Variants in MICALL1 observed in about 807,000 individuals in gnomAD.
MICALL1 encodes MICAL like 1.
A neutral mutation model predicts 83.7 loss-of-function variants in MICALL1; 61 were observed. The observed-to-expected ratio is 0.73, with a 90% CI of 0.59 to 0.90. MICALL1 has a LOEUF of 0.90. Ranked by LOEUF, MICALL1 falls within the 40% of genes least tolerant of loss-of-function variation. The pLI is 0.00. For synonymous variants in MICALL1, 481 were observed against 473.6 expected (o/e 1.02, Z -0.20); for missense variants, 1,066 against 1,152.0 (o/e 0.93, Z 1.08).
Position 37,919,170 on chromosome 22 carries a change from C to T in MICALL1, c.561C>T (p.His187=), listed in dbSNP as rs896137348. Reference sequence around the variant, plus strand: ...CTGACGGCAGGCTGTACCATCGCCACTGCTTCCGGTGAGTGGCCAGGGCCG... The same window carrying T: ...CTGACGGCAGGCTGTACCATCGCCATTGCTTCCGGTGAGTGGCCAGGGCCG... ...YLADGRLYHR[H]CFRCRRCSST... is the part of the protein sequence containing the mutation. Residue 187 remains histidine, a synonymous_variant, in exon 5 of 16, where the codon CAC becomes CAT. Coordinates refer to ENST00000215957, the MANE Select transcript of MICALL1 (RefSeq NM_033386.4). 3.3e-6 allele frequency: 5 copies of T among 1,536,838 alleles called. No individual in the cohort carries two copies. The African/African-American group carries it at 5.5e-5, about 17-fold the overall frequency.
In MICALL1 at chr22:37,922,007, C is replaced by T. The variant is rs777972715; in HGVS notation, c.605C>T (p.Ala202Val). 4 of 1,602,508 alleles carry T rather than the reference C, an allele frequency of 2.5e-6. No individual in the cohort carries two copies. Among genetic ancestry groups the T allele is most frequent in the South Asian group, 1.1e-5 (1 of 89,972 alleles). ...TGCTCCAGCACCCTGCTCCCTGGGG[C>T]TTATGAGAATGGGCCTGAGGAGGGC... ...RRCSSTLLPG[A>V]YENGPEEGTF... Residue 202 changes from alanine to valine, a missense_variant, in exon 6 of 16, where the codon GCT becomes GTT. Coordinates refer to ENST00000215957, the MANE Select transcript of MICALL1 (RefSeq NM_033386.4).
Position 37,930,162 on chromosome 22 carries a change from G to A in MICALL1, c.1882-1637G>A, listed in dbSNP as rs533237945. 1.2e-4 allele frequency among the ~76,000 whole-genome samples: 18 copies of A among 152,334 alleles called. No individual in the cohort carries two copies. Among genetic ancestry groups the A allele is most frequent in the African/African-American group, 4.3e-4 (18 of 41,578 alleles). On this transcript the variant is annotated intron_variant, in intron 9 of 15. Transcript: ENST00000215957. The surrounding 1 kb of genome is among the most constrained non-coding windows in gnomAD (Gnocchi z 4.8). ...GTCTGAAGTTTTGGGGCTGAGAAAA[G>A]GCTGAAAACCTTTGAGGGGCTCAGG...
Position 37,932,464 on chromosome 22 carries a change from C to A in MICALL1, c.2017-89C>A. 1.3e-6 allele frequency: 2 copies of A among 1,557,706 alleles called. No individual in the cohort carries two copies. The highest frequency in any genetic ancestry group is 2.3e-5 in the East Asian group (1 of 44,250). On this transcript the variant is annotated intron_variant, in intron 10 of 15. Coordinates refer to ENST00000215957, the MANE Select transcript of MICALL1 (RefSeq NM_033386.4). This position sits in a 1 kb window ranked among gnomAD's most constrained non-coding sequence, Gnocchi z 4.4. ...GGGGGACAGGGCCCGGGCCCTGGAG[C>A]CACCAGTGGCCAATGCTGGCCAGAG...
chr22:37,931,826 C>T lies in MICALL1; in HGVS notation c.1909C>T (p.Arg637Trp), dbSNP rs780264693. The T allele has an allele frequency of 9.9e-6, 16 of 1,613,964 alleles. No homozygotes were observed. The Middle Eastern group carries it at 4.9e-4, about 50-fold the overall frequency. The change falls in exon 10 of 16, where the codon CGG becomes TGG. Residue 637 changes from arginine (R) to tryptophan (W), a missense_variant. Transcript: ENST00000215957. ...CTCCTGCAAGGAGAATCCTTTTAACCGGAAGCCATCACCTGCAGCGTCCCC... is the reference window on the plus strand; with the variant it reads ...CTCCTGCAAGGAGAATCCTTTTAACTGGAAGCCATCACCTGCAGCGTCCCC... Reference protein sequence around the residue: ...KSSCKENPFNRKPSPAASPAT... With the variant: ...KSSCKENPFNWKPSPAASPAT...
At chr22:37,920,655 C>T (rs1928970926) in intron 5 of MICALL1, among the ~76,000 whole-genome samples, 2 of 151,950 alleles carry the variant, frequency 1.3e-5, no homozygotes, top group Admixed American at 1.3e-4. Context: ...GGCGCAATGG[C>T]TCATGTCTGT....
At chr22:37,928,110 G>C (rs1006286118) in intron 9 of MICALL1, among the ~76,000 whole-genome samples, 5 of 152,074 alleles carry the variant, frequency 3.3e-5, no homozygotes, top group Non-Finnish European at 2.9e-5. Context: ...TTTTCACCCC[G>C]TTAGCCAGGA....
intron 15 of MICALL1, among the ~76,000 whole-genome samples, chr22:37,939,086 G>T (rs1350943913): frequency 1.3e-5 from 2 of 152,166 alleles, no homozygotes; most frequent in Non-Finnish European, 2.9e-5. Flanking sequence ...GGTTTTACCA[G>T]TACCTCACTT....
At chr22:37,917,929 C>A in intron 4 of MICALL1, 134 bp downstream of exon 4, 1 of 775,476 alleles carries the variant, frequency 1.3e-6, no homozygotes, top group Non-Finnish European at 2.1e-6. Flanking sequence ...GTTCTCTGTC[C>A]CTGCCCTATT....
At position 37,927,207 on chromosome 22, in the gene MICALL1, G is replaced by A. The variant is rs148638887; in HGVS notation, c.1466-204G>A. ...GCAGCAGGCAGAACGCAAGGCGGGC[G>A]GGTTGGACTCGGGTGGCTGGATGCA... On this transcript the variant is annotated intron_variant, in intron 8 of 15. Coordinates refer to ENST00000215957, the MANE Select transcript of MICALL1 (RefSeq NM_033386.4). The A allele has an allele frequency of 9.8e-4, 553 of 562,834 alleles. 1 individual carries two copies. Among genetic ancestry groups the A allele is most frequent in the African/African-American group, 9.5e-3 (511 of 53,748 alleles). The allele number at this position is 562,834 out of a possible 1,614,324, so 34.9% of individuals were successfully genotyped here.
chr22:37,914,027 C>G (rs775965960), intron 3 of MICALL1, among the ~76,000 whole-genome samples: 3 of 151,816 alleles, frequency 2.0e-5, no homozygotes, highest in Admixed American at 6.6e-5. Context: ...AGGCATGCAC[C>G]AACATGTCCG....
chr22:37,912,226 G>A (rs974796010), intron 2 of MICALL1, 125 bp from the exon 3 acceptor site: 1 of 1,264,630 alleles, frequency 7.9e-7, no homozygotes, highest in Non-Finnish European at 1.1e-6. Context: ...GATTAATACT[G>A]AGGGGAGCCC....
chr22:37,927,256 G>C (rs181724888), intron 8 of MICALL1, 155 bp from the exon 9 acceptor site: 5 of 852,260 alleles, frequency 5.9e-6, no homozygotes, highest in East Asian at 5.5e-5. Flanking sequence ...GTCCTGCCGG[G>C]CGTTTGCTGT....
In MICALL1 at chr22:37,931,824, A is replaced by C. The variant is rs1929802642; in HGVS notation, c.1907A>C (p.Asn636Thr). The change falls in exon 10 of 16, where the codon AAC becomes ACC. Residue 636 changes from asparagine (N) to threonine (T), a missense_variant. By Grantham distance (65) the Asn-to-Thr change is moderately conservative. Coordinates refer to ENST00000215957, the MANE Select transcript of MICALL1 (RefSeq NM_033386.4). Reference sequence around the variant, plus strand: ...TCCTCCTGCAAGGAGAATCCTTTTAACCGGAAGCCATCACCTGCAGCGTCC... The same window carrying C: ...TCCTCCTGCAAGGAGAATCCTTTTACCCGGAAGCCATCACCTGCAGCGTCC... Reference protein sequence around the residue: ...VKSSCKENPFNRKPSPAASPA... With the variant: ...VKSSCKENPFTRKPSPAASPA... 6.2e-7 allele frequency: 1 copy of C among 1,613,882 alleles called. No homozygotes were observed. The highest frequency in any genetic ancestry group is 1.3e-5 in the African/African-American group (1 of 74,876).
Position 37,925,992 on chromosome 22 carries a change from C to A in MICALL1, c.1414C>A (p.Pro472Thr). Residue 472 changes from proline to threonine, a missense_variant, in exon 8 of 16, where the codon CCC becomes ACC. Physicochemically the swap from Pro to Thr is conservative, Grantham distance 38 (BLOSUM62 -1). Transcript: ENST00000215957. ...PWYGITPTSS[P>T]KTKKRPAPRA... ...GTACGGCATCACCCCTACCAGCAGC[C>A]CCAAGACAAAGAAGCGCCCTGCCCC... 3 of 1,613,646 alleles carry A rather than the reference C, an allele frequency of 1.9e-6. No homozygotes were observed. The highest frequency in any genetic ancestry group is 2.5e-6 in the Non-Finnish European group (3 of 1,179,840).
At chr22:37,940,583 C>T in intron 15 of MICALL1, 126 bp from the exon 16 acceptor site, 9 of 1,195,232 alleles carry the variant, frequency 7.5e-6, no homozygotes, top group Non-Finnish European at 1.1e-5. Context: ...CCAGGCTCCA[C>T]ACAGGAAGTG....
rs748358568 is a variant in MICALL1 at position 37,933,132 on chromosome 22, C to G, written c.2308+20C>G. Reference sequence around the variant, plus strand: ...AGCCAGGTGAGTGCAGCCACTGGCACTCCCCTGGCACCTGCCCTGGGGCCT... The same window carrying G: ...AGCCAGGTGAGTGCAGCCACTGGCAGTCCCCTGGCACCTGCCCTGGGGCCT... On this transcript the variant is annotated intron_variant, in intron 13 of 15. Coordinates refer to ENST00000215957, the MANE Select transcript of MICALL1 (RefSeq NM_033386.4). 10 of 1,612,340 alleles carry G rather than the reference C, an allele frequency of 6.2e-6. No individual in the cohort carries two copies. The highest frequency in any genetic ancestry group is 4.0e-5 in the African/African-American group (3 of 74,872).
At chr22:37,931,983 C>T (rs1383176088) in intron 10 of MICALL1, 50 bp downstream of exon 10, 1 of 1,594,274 alleles carries the variant, frequency 6.3e-7, no homozygotes, top group Non-Finnish European at 8.5e-7. Context: ...CTGGCAACCC[C>T]CACTCTGCAG....
intron 13 of MICALL1, 43 bp from the exon 14 acceptor site, chr22:37,937,037 G>T: frequency 6.6e-7 from 1 of 1,511,226 alleles, no homozygotes; most frequent in Middle Eastern, 1.7e-4. Context: ...GAGGAAGAGG[G>T]CTTTCCTACC....
intron 4 of MICALL1, 105 bp downstream of exon 4, chr22:37,917,900 C>A: frequency 2.0e-6 from 2 of 1,024,516 alleles, no homozygotes; most frequent in Non-Finnish European, 3.0e-6. Context: ...TTAGCCCTGA[C>A]AGTGTTCAGA....
Sources: allele counts gnomAD v4.1 joint callset (sites outside exome capture counted in the v4.1 genomes callset), GRCh38; gene constraint gnomAD v4.1.1; non-coding constraint Gnocchi (gnomAD v3.1); transcripts MANE v1.5; gene names NCBI Gene and HGNC (gene_info 2026-07-23, HGNC 2026-07-21).